TET2: variants seen among roughly 807,000 people sequenced by gnomAD.
TET2 encodes tet methylcytosine dioxygenase 2, also known as methylcytosine dioxygenase TET2.
Under a neutral mutation model 142.9 loss-of-function variants are expected in TET2, and 299 were observed. That is an observed-to-expected ratio of 2.09 (90% CI 1.90 to 2.30). The LOEUF (loss-of-function observed/expected upper bound fraction) is 2.30. TET2 is among the 30% of genes most tolerant of loss of function. The pLI is 0.00. For synonymous variants in TET2, 819 were observed against 849.0 expected, an observed-to-expected ratio of 0.96 and a Z score of 0.61; for missense variants, 2,418 against 2,378.0, an observed-to-expected ratio of 1.02 and a Z score of -0.35.
At chr4:105,264,244 T>C (rs561152637) in intron 8 of TET2, among the ~76,000 whole-genome samples, 4 of 152,306 alleles carry the variant, frequency 2.6e-5, no homozygotes, top group South Asian at 2.1e-4. Context: ...GTTGGATTAA[T>C]ACTGTTATTT....
Position 105,275,100 on chromosome 4 carries a change from T to C in TET2, c.4590T>C (p.Pro1530=), listed in dbSNP as rs1426538945. ...TGCAGCAGTCCCAGCAGCCCCAGCC[T>C]CTACAGAAGCAGCCACCACAGCCCC... ...PVMQQSQQPQ[P]LQKQPPQPQQ... Residue 1530 remains proline (P), a synonymous_variant, in exon 11 of 11, where the codon CCT becomes CCC. Coordinates refer to ENST00000380013, the MANE Select transcript of TET2 (RefSeq NM_001127208.3). 1 of 1,550,868 alleles carries C rather than the reference T, an allele frequency of 6.4e-7. No individual in the cohort carries two copies. The highest frequency in any genetic ancestry group is 8.7e-7 in the Non-Finnish European group (1 of 1,146,540).
rs1731207666 is a variant in TET2, at chr4:105,276,085, AT to A, written c.5577del (p.Ile1859MetfsTer28). 2 of 1,551,702 alleles carry A rather than the reference AT, an allele frequency of 1.3e-6. No homozygotes were observed. The highest frequency in any genetic ancestry group is 1.7e-6 in the Non-Finnish European group (2 of 1,146,976). The part of the protein sequence containing the change: ...DSEQSFLDPD[I>X]GGVAVAPTHG... Reference sequence around the variant, plus strand: ...CGAGCAGAGCTTTCTGGATCCTGACATTGGGGGAGTGGCCGTGGCTCCAACT... The same window carrying A: ...CGAGCAGAGCTTTCTGGATCCTGACATGGGGGAGTGGCCGTGGCTCCAACT... On this transcript the variant is annotated frameshift_variant, in exon 11 of 11. Transcript: ENST00000380013. LOFTEE classifies it high-confidence loss of function.
In TET2 at chr4:105,275,956, T is replaced by G; in HGVS notation, c.5446T>G (p.Leu1816Val). ...TAGAACTGCTTGTGTCCAAGGAGGC[T>G]TACACAAATTAAGTGATGCTAATGG... is the stretch of plus-strand genomic sequence containing the variant. ...HDRTACVQGGLHKLSDANGQE... is the reference protein window; with the variant it reads ...HDRTACVQGGVHKLSDANGQE... The change falls in exon 11 of 11, where the codon TTA becomes GTA. Residue 1816 changes from leucine to valine, a missense_variant. Physicochemically the swap from Leu to Val is conservative, Grantham distance 32. Transcript: ENST00000380013. 1 of 1,551,872 alleles carries G rather than the reference T, an allele frequency of 6.4e-7. No homozygotes were observed. Among genetic ancestry groups the G allele is most frequent in the Non-Finnish European group, 8.7e-7 (1 of 1,147,018 alleles).
At chr4:105,177,367 C>A (rs902896853) in intron 1 of TET2, among the ~76,000 whole-genome samples, 2 of 152,140 alleles carry the variant, frequency 1.3e-5, no homozygotes, top group African/African-American at 4.8e-5. Context: ...AAATTATTTG[C>A]AAAAGATACT....
chr4:105,235,529 C>T lies in TET2; in HGVS notation c.1587C>T (p.Cys529=), dbSNP rs2110228194. 1 of 1,614,118 alleles carries T rather than the reference C, an allele frequency of 6.2e-7. No homozygotes were observed. The highest frequency in any genetic ancestry group is 8.5e-7 in the Non-Finnish European group (1 of 1,180,018). The stretch of plus-strand genomic sequence containing the variant: ...GCAGTGGAGAGCTACAGGACAACTG[C>T]CAGCAGTTGATGAGAAACAAAGAGC... ...FGSSGELQDN[C]QQLMRNKEQE... The change falls in exon 3 of 11, where the codon TGC becomes TGT. Residue 529 remains cysteine, a synonymous_variant. Transcript: ENST00000380013.
chr4:105,273,017 G>A, intron 10 of TET2, 99 bp downstream of exon 10: 1 of 905,462 alleles, frequency 1.1e-6, no homozygotes, highest in Non-Finnish European at 1.7e-6. Flanking sequence ...TAAGTTCTGG[G>A]GTACACATGC....
intron 1 of TET2, among the ~76,000 whole-genome samples, chr4:105,170,885 A>G (rs1268822776): frequency 2.6e-5 from 4 of 152,216 alleles, no homozygotes; most frequent in Non-Finnish European, 5.9e-5. Context: ...AGCCTCCTGC[A>G]AGATGAGCAC....
At chr4:105,149,397 T>C (rs1578521822) in intron 1 of TET2, among the ~76,000 whole-genome samples, 1 of 152,250 alleles carries the variant, frequency 6.6e-6, no homozygotes, top group African/African-American at 2.4e-5. Flanking sequence ...TAATTAATAC[T>C]GTATAAAGTA....
intron 1 of TET2, chr4:105,177,764 T>C (rs1724884697): frequency 6.6e-6 from 1 of 152,198 alleles, no homozygotes. Flanking sequence ...GATTCAGCAA[T>C]AGCGCTCCTT....
In TET2 at chr4:105,275,834, G is replaced by A. The variant is rs1053520313; in HGVS notation, c.5324G>A (p.Ser1775Asn). ...AGTGCAGCTCCGGGCATGTTCAACA[G>A]CTCTCTTCATGCCCTGCATCTCCAA... ...NYSAAPGMFN[S>N]SLHALHLQNK... Residue 1775 changes from serine (S) to asparagine (N), a missense_variant, in exon 11 of 11, where the codon AGC becomes AAC. Physicochemically the swap from Ser to Asn is conservative, Grantham distance 46. Coordinates refer to ENST00000380013, the MANE Select transcript of TET2 (RefSeq NM_001127208.3). 3 of 1,551,748 alleles carry A rather than the reference G, an allele frequency of 1.9e-6. No homozygotes were observed. The highest frequency in any genetic ancestry group is 2.6e-6 in the Non-Finnish European group (3 of 1,146,992).
intron 2 of TET2, among the ~76,000 whole-genome samples, chr4:105,223,330 T>A (rs1727961908): frequency 6.6e-6 from 1 of 152,156 alleles, no homozygotes; most frequent in South Asian, 2.1e-4. Context: ...ATGTTTTGGA[T>A]TATGTTTTTA....
intron 3 of TET2, chr4:105,239,041 A>G (rs908498166): frequency 4.2e-6 from 1 of 239,648 alleles, no homozygotes; most frequent in Non-Finnish European, 8.8e-6. Flanking sequence ...TTGAGCAGTA[A>G]TATTTTGAAA....
intron 2 of TET2, among the ~76,000 whole-genome samples, chr4:105,201,732 CTTTTTT>C (rs70964636): frequency 1.6e-5 from 1 of 63,052 alleles, no homozygotes; most frequent in African/African-American, 6.8e-5. Context: ...CATCCAGGAC[CTTTTTT>C]TTTTTTTTTT....
intron 2 of TET2, among the ~76,000 whole-genome samples, chr4:105,197,347 TAGTG>T (rs762355309): frequency 2.6e-5 from 4 of 152,336 alleles, no homozygotes; most frequent in Non-Finnish European, 5.9e-5. Context: ...CTCAAGACCT[TAGTG>T]AGAAATACAT....
At position 105,276,679 on chromosome 4, in the gene TET2, C is replaced by A; in HGVS notation, c.*160C>A. The A allele has an allele frequency of 1.3e-6, 1 of 791,818 alleles. No individual in the cohort carries two copies. 49.0% of individuals were successfully genotyped at this position (791,818 alleles called of 1,614,324 possible). ...CCAGCAACAAAAGAGGTTATCTTACCATAGCACTTAATTTTCACTGGCTCC... is the reference window on the plus strand; with the variant it reads ...CCAGCAACAAAAGAGGTTATCTTACAATAGCACTTAATTTTCACTGGCTCC... On this transcript the variant is annotated 3_prime_UTR_variant, in exon 11 of 11. Coordinates refer to ENST00000380013, the MANE Select transcript of TET2 (RefSeq NM_001127208.3).
At chr4:105,230,914 A>G (rs1330811099) in intron 2 of TET2, among the ~76,000 whole-genome samples, 1 of 152,048 alleles carries the variant, frequency 6.6e-6, no homozygotes, top group Non-Finnish European at 1.5e-5. Flanking sequence ...TATTAAATTC[A>G]TCTAGAATTT....
At chr4:105,250,637 C>T (rs182959115) in intron 6 of TET2, among the ~76,000 whole-genome samples, 39 of 152,012 alleles carry the variant, frequency 2.6e-4, no homozygotes, top group Admixed American at 2.0e-3. Flanking sequence ...GCTATTTTTC[C>T]ATTTATTCTT....
At position 105,275,206 on chromosome 4, in the gene TET2, ACCAAT is replaced by A. The variant is rs1374573524; in HGVS notation, c.4700_4704del (p.Asn1567IlefsTer9). 1 of 1,552,136 alleles carries A rather than the reference ACCAAT, an allele frequency of 6.4e-7. No individual in the cohort carries two copies. The highest frequency in any genetic ancestry group is 8.7e-7 in the Non-Finnish European group (1 of 1,147,106). ...CAACTCTTATTCTGCTTCTGGATCC[ACCAAT>A]CCATACATGAGACGGCCCAATCCAG... On this transcript the variant is annotated frameshift_variant, in exon 11 of 11. Coordinates refer to ENST00000380013, the MANE Select transcript of TET2 (RefSeq NM_001127208.3). LOFTEE classifies it low-confidence loss of function (END_TRUNC).
intron 2 of TET2, among the ~76,000 whole-genome samples, chr4:105,230,597 A>G (rs543236533): frequency 3.9e-5 from 6 of 152,330 alleles, no homozygotes; most frequent in African/African-American, 1.2e-4. Flanking sequence ...AATAGTAGAT[A>G]TCTTCTTAAA....
Sources: gnomAD v4.1 joint callset for allele counts (sites outside exome capture counted in the v4.1 genomes callset) on GRCh38, gnomAD v4.1.1 for gene constraint, MANE v1.5 for transcripts, NCBI Gene and HGNC (gene_info 2026-07-23, HGNC 2026-07-21) for gene names.